The following RBFOX1 variants were observed in gnomAD, a reference collection of about 807,000 sequenced individuals.
RBFOX1 encodes the protein RNA binding fox-1 homolog 1.
RBFOX1 carries 8 observed loss-of-function variants against 57.7 expected under a neutral mutation model. That is an observed-to-expected ratio of 0.14 (90% CI 0.08 to 0.25). The LOEUF (loss-of-function observed/expected upper bound fraction) is 0.25, where lower values mean the gene tolerates loss of function less well. Ranked by LOEUF, RBFOX1 falls within the 10% of genes least tolerant of loss-of-function variation. RBFOX1 has a pLI of 1.00. For missense variants in RBFOX1, 611 were observed against 548.5 expected (o/e 1.11, Z -1.14); for synonymous variants, 326 against 222.4 (o/e 1.47, Z -4.15).
At chr16:6,188,447 TA>T (rs2097121370) in intron 1 of RBFOX1, among the ~76,000 whole-genome samples, 1 of 136,304 alleles carries the variant, frequency 7.3e-6, no homozygotes, top group South Asian at 2.3e-4. Context: ...AGGCTAAACA[TA>T]AAATACAGTG....
chr16:7,450,081 C>G (rs965381258), intron 4 of RBFOX1, among the ~76,000 whole-genome samples: 1 of 152,004 alleles, frequency 6.6e-6, no homozygotes, highest in African/African-American at 2.4e-5. Context: ...AAAGAAGGAA[C>G]TCAATCTAAA....
intron 4 of RBFOX1, among the ~76,000 whole-genome samples, chr16:5,888,146 C>G (rs1285931647): frequency 5.3e-5 from 8 of 152,148 alleles, no homozygotes; most frequent in African/African-American, 1.9e-4. Context: ...TTGTGACTTT[C>G]TCAGCCACTG....
intron 4 of RBFOX1, among the ~76,000 whole-genome samples, chr16:5,907,674 A>G (rs1274152462): frequency 6.6e-6 from 1 of 152,132 alleles, no homozygotes; most frequent in Admixed American, 6.5e-5. Flanking sequence ...CCACAAAGAC[A>G]TGCCTACTTG....
intron 3 of RBFOX1, among the ~76,000 whole-genome samples, chr16:7,048,618 T>C (rs2048877321): frequency 6.6e-6 from 1 of 152,210 alleles, no homozygotes; most frequent in Non-Finnish European, 1.5e-5. Context: ...TTTTCTCAGT[T>C]ATTTTCAGTG....
intron 2 of RBFOX1, among the ~76,000 whole-genome samples, chr16:6,462,510 C>T (rs933938634): frequency 2.6e-5 from 4 of 152,224 alleles, no homozygotes; most frequent in East Asian, 3.9e-4. Flanking sequence ...CACTGATGTT[C>T]TTTAGATTAA....
chr16:6,638,283 A>G (rs977322237), intron 2 of RBFOX1, among the ~76,000 whole-genome samples: 4 of 152,170 alleles, frequency 2.6e-5, no homozygotes, highest in African/African-American at 9.6e-5. Context: ...CATTTTTCCT[A>G]TGCTCATGTA....
At chr16:7,437,255 C>G (rs908910860) in intron 4 of RBFOX1, among the ~76,000 whole-genome samples, 3 of 133,720 alleles carry the variant, frequency 2.2e-5, no homozygotes, top group Admixed American at 7.4e-5. Flanking sequence ...TCTTTGCCCC[C>G]CCCCCCTTTC....
At chr16:6,817,409 T>G (rs1322772304) in intron 3 of RBFOX1, among the ~76,000 whole-genome samples, 1 of 151,900 alleles carries the variant, frequency 6.6e-6, no homozygotes, top group Non-Finnish European at 1.5e-5. Flanking sequence ...AAAATTAACT[T>G]TTAGCTGGAC....
At chr16:6,112,498 C>T (rs1448767003) in intron 1 of RBFOX1, among the ~76,000 whole-genome samples, 1 of 152,140 alleles carries the variant, frequency 6.6e-6, no homozygotes, top group Non-Finnish European at 1.5e-5. Flanking sequence ...TAAGACCAGC[C>T]TGGCCAACAT....
chr16:5,347,784 G>A (rs1281881231), intron 1 of RBFOX1, among the ~76,000 whole-genome samples: 1 of 134,900 alleles, frequency 7.4e-6, no homozygotes, highest in Non-Finnish European at 1.6e-5. Flanking sequence ...CCACCCATTG[G>A]TCTATCCGCC....
chr16:7,472,155 T>C (rs529353478), intron 4 of RBFOX1, among the ~76,000 whole-genome samples: 1 of 152,266 alleles, frequency 6.6e-6, no homozygotes, highest in Admixed American at 6.5e-5. Context: ...TTTTTATCCA[T>C]AGTTCAAAGG....
intron 3 of RBFOX1, among the ~76,000 whole-genome samples, chr16:6,831,682 G>A (rs1178598165): frequency 2.0e-5 from 3 of 152,156 alleles, no homozygotes; most frequent in African/African-American, 7.2e-5. Context: ...CTTGCAACCA[G>A]TTCTATTATT....
At chr16:6,543,372 G>A (rs2096851028) in intron 2 of RBFOX1, among the ~76,000 whole-genome samples, 1 of 152,084 alleles carries the variant, frequency 6.6e-6, no homozygotes, top group Admixed American at 6.5e-5. Flanking sequence ...TCTACTCGGT[G>A]GCTTCTCAAA....
At chr16:6,828,653 G>A (rs2092432207) in intron 3 of RBFOX1, among the ~76,000 whole-genome samples, 1 of 152,002 alleles carries the variant, frequency 6.6e-6, no homozygotes, top group Non-Finnish European at 1.5e-5. Flanking sequence ...TTTGACCTAG[G>A]ATTCACCTAG....
intron 3 of RBFOX1, chr16:6,723,716 C>G (rs188248784): frequency 6.6e-6 from 1 of 151,722 alleles, no homozygotes; most frequent in South Asian, 2.1e-4. Flanking sequence ...CAGAAAGCTG[C>G]ATCTGTCTCG....
chr16:6,815,113 T>A (rs1000854163), intron 3 of RBFOX1, among the ~76,000 whole-genome samples: 1 of 152,140 alleles, frequency 6.6e-6, no homozygotes, highest in African/African-American at 2.4e-5. Context: ...TTTCCGACCA[T>A]ATAGCGTAAC....
intron 4 of RBFOX1, among the ~76,000 whole-genome samples, chr16:7,454,305 G>T (rs376203902): frequency 1.3e-5 from 2 of 152,178 alleles, no homozygotes; most frequent in African/African-American, 4.8e-5. Flanking sequence ...AGATGCCCAG[G>T]ATCGGTAGAC....
intron 3 of RBFOX1, among the ~76,000 whole-genome samples, chr16:6,755,787 CT>C (rs1161156305): frequency 1.3e-5 from 2 of 152,294 alleles, no homozygotes; most frequent in African/African-American, 4.8e-5. Context: ...TTCTCCCCTT[CT>C]TTTAACTGTT....
At chr16:6,468,854 G>A (rs1021705021) in intron 2 of RBFOX1, among the ~76,000 whole-genome samples, 6 of 151,486 alleles carry the variant, frequency 4.0e-5, no homozygotes, top group South Asian at 2.1e-4. Context: ...CTTGTGTCAT[G>A]GGGGTTCATT....
Sources: allele counts gnomAD v4.1 joint callset (sites outside exome capture counted in the v4.1 genomes callset), GRCh38; gene constraint gnomAD v4.1.1; transcripts MANE v1.5; gene names NCBI Gene and HGNC (gene_info 2026-07-23, HGNC 2026-07-21).